Variants in HTR3B observed in about 807,000 individuals in gnomAD.
The protein encoded by HTR3B is 5-hydroxytryptamine receptor 3B.
A neutral mutation model predicts 42.8 loss-of-function variants in HTR3B; 44 were observed. That is an observed-to-expected ratio of 1.03 (90% CI 0.81 to 1.32). The LOEUF (loss-of-function observed/expected upper bound fraction) is 1.32. Among genes scored for constraint, HTR3B ranks in the 40% most tolerant of loss-of-function variants. The pLI, the probability that HTR3B is intolerant of heterozygous loss-of-function variation, is 0.00. For missense variants in HTR3B, 527 were observed against 536.5 expected (o/e 0.98, Z 0.17); for synonymous variants, 203 against 209.0 (o/e 0.97, Z 0.25).
At chr11:113,937,992 C>T (rs1950104562) in intron 6 of HTR3B, among the ~76,000 whole-genome samples, 1 of 152,162 alleles carries the variant, frequency 6.6e-6, no homozygotes, top group Non-Finnish European at 1.5e-5. Flanking sequence ...TGGTTGCTGC[C>T]AGGAACCTGT....
chr11:113,913,026 T>G (rs1949812494), intron 2 of HTR3B, among the ~76,000 whole-genome samples: 1 of 149,084 alleles, frequency 6.7e-6, no homozygotes, highest in African/African-American at 2.4e-5. Context: ...TAACATATAA[T>G]ATAGTAATTA....
At chr11:113,921,786 T>C (rs1014382444) in intron 2 of HTR3B, among the ~76,000 whole-genome samples, 3 of 152,188 alleles carry the variant, frequency 2.0e-5, no homozygotes, top group Admixed American at 6.5e-5. Context: ...TAAAATCAGA[T>C]TCTTTATGGT....
At chr11:113,908,400 A>G (rs1257226846) in intron 1 of HTR3B, among the ~76,000 whole-genome samples, 1 of 152,210 alleles carries the variant, frequency 6.6e-6, no homozygotes, top group East Asian at 1.9e-4. Flanking sequence ...CACACGCAGG[A>G]CACTACAGAG....
intron 1 of HTR3B, among the ~76,000 whole-genome samples, chr11:113,907,494 T>G (rs955372211): frequency 6.6e-6 from 1 of 152,188 alleles, no homozygotes; most frequent in African/African-American, 2.4e-5. Flanking sequence ...TCTTTCCCCT[T>G]TTGGTTTATT....
chr11:113,923,215 G>A (rs1949933279), intron 2 of HTR3B, among the ~76,000 whole-genome samples: 1 of 152,158 alleles, frequency 6.6e-6, no homozygotes, highest in Non-Finnish European at 1.5e-5. Flanking sequence ...CACTCCCAAC[G>A]TGAATAGATA....
Position 113,932,982 on chromosome 11 carries a change from G to A in HTR3B, c.585G>A (p.Gln195=). ...LAFLRSPEDI[Q]HDKKAFLNDS... The stretch of plus-strand genomic sequence containing the variant: ...TTCTGAGGAGCCCAGAAGACATTCA[G>A]CATGACAAAAAGGCGTTTTTGAATG... Residue 195 remains glutamine, a synonymous_variant, in exon 6 of 9, where the codon CAG becomes CAA. Coordinates refer to ENST00000260191, the MANE Select transcript of HTR3B (RefSeq NM_006028.5). 2 of 1,614,124 alleles carry A rather than the reference G, an allele frequency of 1.2e-6. No homozygotes were observed. Among genetic ancestry groups the A allele is most frequent in the Non-Finnish European group, 1.7e-6 (2 of 1,180,004 alleles).
intron 6 of HTR3B, among the ~76,000 whole-genome samples, chr11:113,936,261 G>A (rs978423959): frequency 1.3e-5 from 2 of 152,070 alleles, no homozygotes; most frequent in Non-Finnish European, 2.9e-5. Flanking sequence ...TTAGGAACTC[G>A]TGTTGGATGG....
rs1950133078 is a variant in HTR3B at position 113,941,341 on chromosome 11, G to A, written c.697-1641G>A. Reference sequence around the variant, plus strand: ...ATGGGATGAGATGACAGTCCAGGCCGTAGTGGGGAAGCAGCCCTGCCATTC... The same window carrying A: ...ATGGGATGAGATGACAGTCCAGGCCATAGTGGGGAAGCAGCCCTGCCATTC... On this transcript the variant is annotated intron_variant, in intron 6 of 8. Transcript: ENST00000260191. 2.6e-5 allele frequency among the ~76,000 whole-genome samples: 4 copies of A among 152,230 alleles called. No individual in the cohort carries two copies. In the South Asian group the frequency reaches 6.2e-4, roughly 24 times the overall value.
intron 1 of HTR3B, 79 bp from the exon 2 acceptor site, chr11:113,909,216 A>C: frequency 9.2e-7 from 1 of 1,087,606 alleles, no homozygotes; most frequent in African/African-American, 1.6e-5. Flanking sequence ...AAAGCCACCG[A>C]GTCCTGAACA....
intron 1 of HTR3B, among the ~76,000 whole-genome samples, chr11:113,905,696 G>C (rs751949283): frequency 6.6e-6 from 1 of 152,116 alleles, no homozygotes; most frequent in Non-Finnish European, 1.5e-5. Context: ...CACAAATCAA[G>C]AATTTATGAT....
At chr11:113,905,007 A>C in intron 1 of HTR3B, 22 bp downstream of exon 1, 1 of 1,556,014 alleles carries the variant, frequency 6.4e-7, no homozygotes, top group Non-Finnish European at 8.9e-7. Context: ...TAATAATTTT[A>C]CTAGGCATTA....
chr11:113,928,522 A>G (rs1949998493), intron 2 of HTR3B, among the ~76,000 whole-genome samples: 1 of 152,100 alleles, frequency 6.6e-6, no homozygotes, highest in Non-Finnish European at 1.5e-5. Flanking sequence ...CCATGTTGTA[A>G]CATGTGTCAG....
intron 2 of HTR3B, among the ~76,000 whole-genome samples, chr11:113,921,694 A>G (rs1204054732): frequency 6.6e-6 from 1 of 152,128 alleles, no homozygotes; most frequent in Non-Finnish European, 1.5e-5. Flanking sequence ...TAAAGTATTT[A>G]TATTAATATT....
intron 2 of HTR3B, among the ~76,000 whole-genome samples, chr11:113,921,113 C>A (rs1294260422): frequency 6.6e-6 from 1 of 151,496 alleles, no homozygotes; most frequent in Admixed American, 6.6e-5. Context: ...CCGTCCAGCC[C>A]ATCTTTTTCC....
chr11:113,913,673 C>T (rs1949821942), intron 2 of HTR3B, among the ~76,000 whole-genome samples: 1 of 151,568 alleles, frequency 6.6e-6, no homozygotes, highest in Non-Finnish European at 1.5e-5. Context: ...TGCCATCACA[C>T]CCGGCTAATT....
chr11:113,900,348 C>A (rs193099503), upstream of HTR3B, among the ~76,000 whole-genome samples: 28 of 152,256 alleles, frequency 1.8e-4, 1 homozygote, highest in Admixed American at 2.0e-4. Flanking sequence ...TAGAATGAGA[C>A]TTACCCCCAC....
Position 113,931,678 on chromosome 11 carries a change from A to C in HTR3B, c.259-80A>C, listed in dbSNP as rs1002142979. ...AAGAGGCTGATAAATTGGATTATTA[A>C]TCCAAATGCCTCTTTAGTTCTTTAG... On this transcript the variant is annotated intron_variant, in intron 3 of 8. Transcript: ENST00000260191. 9.2e-6 allele frequency: 8 copies of C among 873,520 alleles called. No homozygotes were observed. In the African/African-American group the frequency reaches 1.3e-4, roughly 15 times the overall value. The allele number at this position is 873,520 out of a possible 1,614,324, so 54.1% of individuals were successfully genotyped here.
At chr11:113,937,562 C>T (rs905133038) in intron 6 of HTR3B, among the ~76,000 whole-genome samples, 1 of 152,160 alleles carries the variant, frequency 6.6e-6, no homozygotes, top group African/African-American at 2.4e-5. Context: ...TCCTCACATC[C>T]CTAGGAGATG....
the HTR3B span, among the ~76,000 whole-genome samples, chr11:113,899,102 C>T: frequency 6.6e-6 from 1 of 152,122 alleles, no homozygotes; most frequent in South Asian, 2.1e-4. Flanking sequence ...GACTTGAAGG[C>T]CTGGGACCTT....
Sources: allele counts gnomAD v4.1 joint callset (sites outside exome capture counted in the v4.1 genomes callset), GRCh38; gene constraint gnomAD v4.1.1; transcripts MANE v1.5; gene names NCBI Gene and HGNC (gene_info 2026-07-23, HGNC 2026-07-21).